The following RAB38 variants were observed in gnomAD, a reference collection of about 807,000 sequenced individuals.
The protein encoded by RAB38 is RAB38, member RAS oncogene family, also known as ras-related protein Rab-38.
RAB38 carries 15 observed loss-of-function variants against 18.4 expected under a neutral mutation model. The ratio of observed to expected loss-of-function variants is 0.82; its 90% CI spans 0.55 to 1.26. The LOEUF (loss-of-function observed/expected upper bound fraction) is 1.26, where lower values mean the gene tolerates loss of function less well. RAB38 is among the 50% of genes most tolerant of loss of function. The pLI is 0.00. For synonymous variants in RAB38, 101 were observed against 104.4 expected (o/e 0.97, Z 0.20); for missense variants, 294 against 267.4 (o/e 1.10, Z -0.69).
chr11:88,124,437 A>G (rs1199526939), intron 2 of RAB38, among the ~76,000 whole-genome samples: 3 of 152,142 alleles, frequency 2.0e-5, no homozygotes, highest in Admixed American at 6.5e-5. Context: ...GAAAAAAACA[A>G]ACAACCCCAT....
the RAB38 span, among the ~76,000 whole-genome samples, chr11:88,027,757 G>GGCCT: frequency 6.6e-6 from 1 of 152,216 alleles, no homozygotes; most frequent in Non-Finnish European, 1.5e-5. Flanking sequence ...AGCTCAAGGA[G>GGCCT]GCCTGCCTGC....
chr11:88,152,708 T>TG (rs1943078479), intron 1 of RAB38, among the ~76,000 whole-genome samples: 13 of 152,220 alleles, frequency 8.5e-5, no homozygotes, highest in Admixed American at 3.3e-4. Flanking sequence ...GAGTGCCTAC[T>TG]TTTGGGCAAA....
At chr11:87,815,809 CCA>C in the RAB38 span, 1 of 152,162 alleles carries the variant, frequency 6.6e-6, no homozygotes, top group African/African-American at 2.4e-5. Context: ...GAGGATAATG[CCA>C]GTGTTTCAGG....
the RAB38 span, among the ~76,000 whole-genome samples, chr11:88,015,659 C>A: frequency 1.3e-5 from 2 of 152,098 alleles, no homozygotes; most frequent in Non-Finnish European, 2.9e-5. Context: ...GAAAACATTA[C>A]AAATCAAAGC....
the RAB38 span, among the ~76,000 whole-genome samples, chr11:87,883,703 G>T: frequency 6.6e-6 from 1 of 151,858 alleles, no homozygotes; most frequent in Non-Finnish European, 1.5e-5. Context: ...CCCTTTCCAG[G>T]TTATGAAGAG....
the RAB38 span, among the ~76,000 whole-genome samples, chr11:87,932,115 AAAT>A: frequency 7.2e-5 from 11 of 152,034 alleles, no homozygotes; most frequent in East Asian, 2.1e-3. Context: ...GAGATTAGCT[AAAT>A]AAGAGATTCA....
rs1362835632 is a variant in RAB38 at position 88,113,869 on chromosome 11, G to T, written c.*119C>A. The T allele has an allele frequency of 5.9e-6, 7 of 1,192,882 alleles. No homozygotes were observed. Among genetic ancestry groups the T allele is most frequent in the East Asian group, 2.4e-5 (1 of 42,530 alleles). 73.9% of individuals were successfully genotyped at this position (1,192,882 alleles called of 1,614,324 possible). The stretch of plus-strand genomic sequence containing the variant: ...CTCTCACTGAAAAAACAGAGGCATA[G>T]ATCTTTGGCTTGCCACATGTGGTAT... On this transcript the variant is annotated 3_prime_UTR_variant, in exon 3 of 3. Coordinates refer to ENST00000243662, the MANE Select transcript of RAB38 (RefSeq NM_022337.3).
At chr11:88,094,595 T>C in the RAB38 span, among the ~76,000 whole-genome samples, 1 of 151,888 alleles carries the variant, frequency 6.6e-6, no homozygotes, top group Admixed American at 6.6e-5. Flanking sequence ...TTATGTGAAC[T>C]CTTTTACATG....
the RAB38 span, among the ~76,000 whole-genome samples, chr11:88,054,064 A>T: frequency 6.6e-6 from 1 of 152,200 alleles, no homozygotes; most frequent in Admixed American, 6.5e-5. Context: ...CGAAGAATGA[A>T]GATGTTATGC....
At chr11:88,131,490 C>G (rs940059138) in intron 2 of RAB38, among the ~76,000 whole-genome samples, 1 of 152,204 alleles carries the variant, frequency 6.6e-6, no homozygotes, top group South Asian at 2.1e-4. Flanking sequence ...CTTGTGCTAA[C>G]TGCAGTTATG....
the RAB38 span, among the ~76,000 whole-genome samples, chr11:88,008,772 C>G: frequency 1.3e-5 from 2 of 152,232 alleles, no homozygotes; most frequent in African/African-American, 4.8e-5. Context: ...CTCGCGGATT[C>G]ACGCCATTCT....
the RAB38 span, among the ~76,000 whole-genome samples, chr11:87,959,040 T>G: frequency 6.6e-6 from 1 of 152,114 alleles, no homozygotes; most frequent in Non-Finnish European, 1.5e-5. Flanking sequence ...AAGCTGTGCT[T>G]TAGGCTGTTG....
At chr11:87,804,227 T>C in the RAB38 span, among the ~76,000 whole-genome samples, 145,030 of 152,184 alleles carry the variant, frequency 0.95, 69,143 homozygotes, top group East Asian at 1. Flanking sequence ...TTTTACTTTC[T>C]TTACTTTCTA....
intron 2 of RAB38, among the ~76,000 whole-genome samples, chr11:88,114,735 G>A (rs1942525279): frequency 6.6e-6 from 1 of 152,230 alleles, no homozygotes; most frequent in Admixed American, 6.5e-5. Flanking sequence ...CCAGTGCTCA[G>A]TTTCCTGTTT....
chr11:87,898,047 G>A, the RAB38 span, among the ~76,000 whole-genome samples: 1 of 151,442 alleles, frequency 6.6e-6, no homozygotes, highest in South Asian at 2.1e-4. Flanking sequence ...ATGGATCTAT[G>A]CTATATTTCC....
chr11:88,010,274 G>T, the RAB38 span, among the ~76,000 whole-genome samples: 1 of 138,352 alleles, frequency 7.2e-6, no homozygotes, highest in South Asian at 2.3e-4. Flanking sequence ...ATATTTATTT[G>T]TTCTTTCAAC....
chr11:88,160,228 C>T (rs1685441251), intron 1 of RAB38, among the ~76,000 whole-genome samples: 1 of 151,886 alleles, frequency 6.6e-6, no homozygotes, highest in African/African-American at 2.4e-5. Flanking sequence ...AAAAATATCC[C>T]ATATCACTGA....
chr11:88,008,467 A>G, the RAB38 span, among the ~76,000 whole-genome samples: 2 of 152,124 alleles, frequency 1.3e-5, no homozygotes, highest in Admixed American at 1.3e-4. Context: ...AGAAAAGGAA[A>G]TTCTCAACCA....
intron 2 of RAB38, among the ~76,000 whole-genome samples, chr11:88,142,850 C>G (rs1479715766): frequency 3.3e-5 from 5 of 152,178 alleles, no homozygotes; most frequent in African/African-American, 1.2e-4. Context: ...AAGGCCTTTC[C>G]CTTATCCAAC....
Sources: allele counts gnomAD v4.1 joint callset (sites outside exome capture counted in the v4.1 genomes callset), GRCh38; gene constraint gnomAD v4.1.1; transcripts MANE v1.5; gene names NCBI Gene and HGNC (gene_info 2026-07-23, HGNC 2026-07-21).